The following ABCB5 variants were observed in gnomAD, a reference collection of about 807,000 sequenced individuals.
ABCB5 encodes the protein ATP-binding cassette sub-family B member 5.
A neutral mutation model predicts 144.2 loss-of-function variants in ABCB5; 155 were observed. The observed-to-expected ratio is 1.08, with a 90% CI of 0.94 to 1.23. The LOEUF (loss-of-function observed/expected upper bound fraction) is 1.23, where lower values mean the gene tolerates loss of function less well. Ranked by LOEUF, ABCB5 falls within the 50% of genes most tolerant of loss-of-function variation. The pLI, the probability that ABCB5 is intolerant of heterozygous loss-of-function variation, is 0.00. For synonymous variants in ABCB5, 610 were observed against 528.6 expected (o/e 1.15, Z -2.11); for missense variants, 1,830 against 1,520.8 (o/e 1.20, Z -3.38).
chr7:20,626,521 AT>A, intron 2 of ABCB5, 35 bp from the exon 3 acceptor site: 1 of 1,578,984 alleles, frequency 6.3e-7, no homozygotes, highest in Non-Finnish European at 8.6e-7. Flanking sequence ...TTATATTCAC[AT>A]TGTAACTGCT....
intron 14 of ABCB5, chr7:20,659,100 C>A (rs1478377099): frequency 6.2e-7 from 1 of 1,614,032 alleles, no homozygotes; most frequent in Admixed American, 1.7e-5. Flanking sequence ...CCTAATTTCA[C>A]CTCAAGTGGA....
intron 21 of ABCB5, among the ~76,000 whole-genome samples, chr7:20,724,109 G>A (rs1781956061): frequency 6.6e-6 from 1 of 152,096 alleles, no homozygotes; most frequent in Admixed American, 6.6e-5. Flanking sequence ...TCCTCCAGTG[G>A]CAGGTAGTAC....
chr7:20,684,217 T>C (rs1785918065), intron 15 of ABCB5, among the ~76,000 whole-genome samples: 1 of 152,232 alleles, frequency 6.6e-6, no homozygotes, highest in Non-Finnish European at 1.5e-5. Context: ...TTATTTAGAC[T>C]GTCCATGGTT....
intron 16 of ABCB5, among the ~76,000 whole-genome samples, chr7:20,689,661 G>A (rs186326820): frequency 6.6e-6 from 1 of 152,052 alleles, no homozygotes; most frequent in Admixed American, 6.6e-5. Context: ...AAACTATGCA[G>A]GCAGAACAGA....
chr7:20,737,709 T>C (rs1782432397), intron 23 of ABCB5, among the ~76,000 whole-genome samples: 1 of 152,150 alleles, frequency 6.6e-6, no homozygotes, highest in Non-Finnish European at 1.5e-5. Context: ...AGACTGAGGC[T>C]TAAGTCTGAC....
chr7:20,702,661 T>TC (rs1023262073), intron 19 of ABCB5, among the ~76,000 whole-genome samples: 2 of 146,926 alleles, frequency 1.4e-5, no homozygotes, highest in African/African-American at 5.1e-5. Context: ...ATGGATTTTT[T>TC]TTTTTTTTTT....
chr7:20,740,703 C>T (rs1282580838), intron 24 of ABCB5, among the ~76,000 whole-genome samples: 1 of 152,074 alleles, frequency 6.6e-6, no homozygotes, highest in Non-Finnish European at 1.5e-5. Flanking sequence ...GAACCATAGG[C>T]ATGGCATAGA....
intron 14 of ABCB5, chr7:20,660,318 C>T: frequency 1.0e-6 from 1 of 984,854 alleles, no homozygotes; most frequent in Non-Finnish European, 1.2e-6. Flanking sequence ...GGGAATTTAA[C>T]TTATTTCAAA....
rs150661103 is a variant in ABCB5 at position 20,724,971 on chromosome 7, G to C, written c.2625+1752G>C. Among the ~76,000 whole-genome samples, 182 of 152,152 alleles carry C rather than the reference G, an allele frequency of 1.2e-3. 1 individual carries two copies. The highest frequency in any genetic ancestry group is 3.6e-3 in the African/African-American group (148 of 41,500). ...AGTAAACAGTTGTTTAGACCTCCTT[G>C]TCTAATTTAAACATTGCAATAATTT... On this transcript the variant is annotated intron_variant, in intron 21 of 27. Transcript: ENST00000404938.
At chr7:20,700,008 T>C in intron 18 of ABCB5, 50 bp from the exon 19 acceptor site, 6 of 1,602,798 alleles carry the variant, frequency 3.7e-6, no homozygotes, top group South Asian at 1.1e-5. Context: ...ATATATCAAC[T>C]AAATGTTACA....
At chr7:20,746,468 T>A (rs2128056321) in intron 26 of ABCB5, among the ~76,000 whole-genome samples, 1 of 152,310 alleles carries the variant, frequency 6.6e-6, no homozygotes, top group African/African-American at 2.4e-5. Flanking sequence ...ATCCTATTTT[T>A]AAAAGTCCTC....
At chr7:20,706,508 C>T (rs531629757) in intron 20 of ABCB5, among the ~76,000 whole-genome samples, 35 of 152,238 alleles carry the variant, frequency 2.3e-4, no homozygotes, top group East Asian at 9.6e-4. Context: ...AGGGAAATTA[C>T]GGGGAATAGT....
rs1562549539 is a variant in ABCB5 at position 20,665,760 on chromosome 7, TAGATAG to T, written c.1707+7090_1707+7095del. Among the ~76,000 whole-genome samples, 563 of 138,168 alleles carry T rather than the reference TAGATAG, an allele frequency of 4.1e-3. 8 individuals carry two copies. The highest frequency in any genetic ancestry group is 0.012 in the Admixed American group (157 of 13,140). 90.6% of individuals were successfully genotyped at this position (138,168 alleles called of 152,430 possible). ...ATAGATAGATAGATAGATAGATAGA[TAGATAG>T]AGATACATACATACATACATACATA... On this transcript the variant is annotated intron_variant, in intron 14 of 27. Coordinates refer to ENST00000404938, the MANE Select transcript of ABCB5 (RefSeq NM_001163941.2).
intron 23 of ABCB5, among the ~76,000 whole-genome samples, chr7:20,736,772 G>T (rs1352848288): frequency 6.6e-6 from 1 of 152,210 alleles, no homozygotes; most frequent in African/African-American, 2.4e-5. Context: ...TTTCAGTTTA[G>T]CTCACCCTAG....
At chr7:20,661,998 A>T (rs1191901187) in intron 14 of ABCB5, among the ~76,000 whole-genome samples, 1 of 152,226 alleles carries the variant, frequency 6.6e-6, no homozygotes, top group East Asian at 1.9e-4. Flanking sequence ...CCAATGCAGC[A>T]GGTTTCCAAG....
intron 22 of ABCB5, 146 bp downstream of exon 22, chr7:20,727,286 C>A: frequency 1.9e-6 from 1 of 528,900 alleles, no homozygotes; most frequent in Non-Finnish European, 3.3e-6. Context: ...CATATGACTT[C>A]ACCAAGAGAA....
At chr7:20,684,177 T>C (rs1785917214) in intron 15 of ABCB5, among the ~76,000 whole-genome samples, 1 of 152,220 alleles carries the variant, frequency 6.6e-6, no homozygotes, top group Non-Finnish European at 1.5e-5. Context: ...TTAGAAAAGT[T>C]CAAACTATGG....
chr7:20,742,769 G>T, intron 24 of ABCB5, 108 bp from the exon 25 acceptor site: 1 of 1,068,014 alleles, frequency 9.4e-7, no homozygotes. Flanking sequence ...AAAATTAAAA[G>T]GGCTCTGGAA....
chr7:20,670,814 C>T (rs1322046055), intron 14 of ABCB5, among the ~76,000 whole-genome samples: 2 of 152,166 alleles, frequency 1.3e-5, no homozygotes, highest in Non-Finnish European at 2.9e-5. Context: ...GAGGCTGAGG[C>T]AGGAGAATCG....
Sources: allele counts gnomAD v4.1 joint callset (sites outside exome capture counted in the v4.1 genomes callset), GRCh38; gene constraint gnomAD v4.1.1; transcripts MANE v1.5; gene names NCBI Gene and HGNC (gene_info 2026-07-23, HGNC 2026-07-21).